Variants in FRMD4B observed in about 807,000 individuals in gnomAD.
FRMD4B encodes the protein FERM domain containing 4B.
Under a neutral mutation model 141.5 loss-of-function variants are expected in FRMD4B, and 74 were observed. That is an observed-to-expected ratio of 0.52 (90% CI 0.43 to 0.63). The LOEUF (loss-of-function observed/expected upper bound fraction) is 0.63, where lower values mean the gene tolerates loss of function less well. Among genes scored for constraint, FRMD4B ranks in the 30% least tolerant of loss-of-function variants. The probability of loss-of-function intolerance (pLI) is 0.00; values close to 1 mark genes in which losing one functional copy is unlikely to be tolerated. For missense variants in FRMD4B, 1,366 were observed against 1,253.4 expected (o/e 1.09, Z -1.36); for synonymous variants, 506 against 467.9 (o/e 1.08, Z -1.05).
intron 1 of FRMD4B, among the ~76,000 whole-genome samples, chr3:69,479,952 T>TCATTTCATC (rs1706088741): frequency 6.6e-6 from 1 of 152,224 alleles, no homozygotes; most frequent in Non-Finnish European, 1.5e-5. Flanking sequence ...TTCATTTCAT[T>TCATTTCATC]CATTTCATCT....
At chr3:69,257,352 T>A (rs1559757055) in intron 5 of FRMD4B, among the ~76,000 whole-genome samples, 1 of 152,210 alleles carries the variant, frequency 6.6e-6, no homozygotes, top group Non-Finnish European at 1.5e-5. Context: ...CAATATGATA[T>A]CCCATTGGGA....
At chr3:69,208,743 T>G (rs1048740376) in intron 11 of FRMD4B, among the ~76,000 whole-genome samples, 6 of 152,188 alleles carry the variant, frequency 3.9e-5, no homozygotes, top group Non-Finnish European at 7.3e-5. Context: ...CTTTGCTTAC[T>G]TGTTTCTCAC....
intron 1 of FRMD4B, among the ~76,000 whole-genome samples, chr3:69,508,922 C>T (rs889596274): frequency 2.6e-5 from 4 of 152,230 alleles, no homozygotes; most frequent in African/African-American, 9.6e-5. Context: ...CAAGACCACA[C>T]AGCTAGAATG....
At chr3:69,472,825 A>G (rs574254639) in intron 1 of FRMD4B, among the ~76,000 whole-genome samples, 1 of 151,876 alleles carries the variant, frequency 6.6e-6, no homozygotes, top group African/African-American at 2.4e-5. Flanking sequence ...TTCAAGTATT[A>G]CCATATTGGT....
intron 1 of FRMD4B, among the ~76,000 whole-genome samples, chr3:69,540,441 C>G (rs1701155521): frequency 6.7e-6 from 1 of 149,998 alleles, no homozygotes; most frequent in Non-Finnish European, 1.5e-5. Context: ...TGTGAAGCCC[C>G]GTCTCTATTA....
intron 1 of FRMD4B, among the ~76,000 whole-genome samples, chr3:69,448,405 A>G (rs1559530284): frequency 6.6e-6 from 1 of 152,216 alleles, no homozygotes; most frequent in Admixed American, 6.5e-5. Flanking sequence ...GTGAGATTCT[A>G]TGATCAGGGA....
chr3:69,421,816 G>A lies in FRMD4B; in HGVS notation c.-1+10818C>T, dbSNP rs150576412. Among the ~76,000 whole-genome samples, 532 of 152,286 alleles carry A rather than the reference G, an allele frequency of 3.5e-3. 2 individuals carry two copies. The highest frequency in any genetic ancestry group is 0.012 in the African/African-American group (494 of 41,548). On this transcript the variant is annotated intron_variant, in intron 2 of 5. Transcript: ENST00000459638. Reference sequence around the variant, plus strand: ...ATTCTCTTGGATAGCCCTGGCCTAAGTGATGTCTAAGATAACTTTCAGCTA... The same window carrying A: ...ATTCTCTTGGATAGCCCTGGCCTAAATGATGTCTAAGATAACTTTCAGCTA...
chr3:69,305,362 T>A (rs1263958192), intron 3 of FRMD4B, among the ~76,000 whole-genome samples: 2 of 152,200 alleles, frequency 1.3e-5, no homozygotes, highest in Non-Finnish European at 2.9e-5. Flanking sequence ...ATAAATAAGC[T>A]GATTAAGTAA....
At chr3:69,320,584 A>G (rs941951764) in intron 1 of FRMD4B, among the ~76,000 whole-genome samples, 1 of 152,174 alleles carries the variant, frequency 6.6e-6, no homozygotes, top group Non-Finnish European at 1.5e-5. Context: ...AAACCAAAAA[A>G]CAAAAAAACA....
At chr3:69,440,636 C>G (rs1464797391) in intron 1 of FRMD4B, among the ~76,000 whole-genome samples, 1 of 152,134 alleles carries the variant, frequency 6.6e-6, no homozygotes, top group Non-Finnish European at 1.5e-5. Flanking sequence ...GAAAACCCAT[C>G]TCTACTAAAA....
chr3:69,176,308 CAT>C (rs2092645446), intron 22 of FRMD4B, among the ~76,000 whole-genome samples: 1 of 152,176 alleles, frequency 6.6e-6, no homozygotes, highest in African/African-American at 2.4e-5. Context: ...GCTCTGCCCT[CAT>C]AGTGCAAAAA....
chr3:69,354,841 G>A (rs1003649185), intron 1 of FRMD4B, among the ~76,000 whole-genome samples: 1 of 152,184 alleles, frequency 6.6e-6, no homozygotes, highest in African/African-American at 2.4e-5. Context: ...TTCAGTCAAT[G>A]CTAAGTTTGG....
At chr3:69,265,481 C>T (rs2106889554) in intron 5 of FRMD4B, among the ~76,000 whole-genome samples, 1 of 127,284 alleles carries the variant, frequency 7.9e-6, no homozygotes, top group Admixed American at 8.7e-5. Flanking sequence ...TGAAGTCTCG[C>T]TCTGTCACCC....
chr3:69,440,034 T>A (rs148902187), intron 1 of FRMD4B, among the ~76,000 whole-genome samples: 1 of 152,336 alleles, frequency 6.6e-6, no homozygotes, highest in African/African-American at 2.4e-5. Context: ...TTGTTGTTTG[T>A]CTTTTTATTT....
At chr3:69,273,806 T>G (rs561089094) in intron 5 of FRMD4B, among the ~76,000 whole-genome samples, 1 of 151,912 alleles carries the variant, frequency 6.6e-6, no homozygotes, top group South Asian at 2.1e-4. Context: ...GAGGAGTGAC[T>G]GATGCATAAA....
intron 22 of FRMD4B, among the ~76,000 whole-genome samples, chr3:69,172,974 A>T (rs1018015174): frequency 6.6e-6 from 1 of 152,182 alleles, no homozygotes; most frequent in African/African-American, 2.4e-5. Flanking sequence ...AATTTCACAC[A>T]TCAGTCAGTG....
intron 5 of FRMD4B, among the ~76,000 whole-genome samples, chr3:69,265,701 C>T (rs1481479387): frequency 6.6e-6 from 1 of 151,860 alleles, no homozygotes; most frequent in Non-Finnish European, 1.5e-5. Flanking sequence ...CCCACCTTGG[C>T]CTCCTAGAGT....
At chr3:69,430,904 A>G (rs1263656646) in intron 2 of FRMD4B, among the ~76,000 whole-genome samples, 1 of 152,238 alleles carries the variant, frequency 6.6e-6, no homozygotes, top group Non-Finnish European at 1.5e-5. Context: ...ATTGTTGATG[A>G]GAATGACAGT....
chr3:69,227,683 AAAAG>A lies in FRMD4B; in HGVS notation c.582-2997_582-2994del, dbSNP rs796775403. Among the ~76,000 whole-genome samples, 68 of 151,940 alleles carry A rather than the reference AAAAG, an allele frequency of 4.5e-4. 1 individual carries two copies. Among genetic ancestry groups the A allele is most frequent in the African/African-American group, 1.4e-3 (58 of 41,390 alleles). On this transcript the variant is annotated intron_variant, in intron 7 of 22. Transcript: ENST00000398540. ...GTCTCAAAAAAAAAAAAAGAAAAGAAAAAGAAAGAAAGAAAGAAAAAAGTATTCT... is the reference window on the plus strand; with the variant it reads ...GTCTCAAAAAAAAAAAAAGAAAAGAAAAAGAAAGAAAGAAAAAAGTATTCT...
Sources: gnomAD v4.1 joint callset for allele counts (sites outside exome capture counted in the v4.1 genomes callset) on GRCh38, gnomAD v4.1.1 for gene constraint, MANE v1.5 for transcripts, NCBI Gene and HGNC (gene_info 2026-07-23, HGNC 2026-07-21) for gene names.